REEP1: variants seen among roughly 807,000 people sequenced by gnomAD.
REEP1 encodes receptor expression-enhancing protein 1.
Under a neutral mutation model 40.3 loss-of-function variants are expected in REEP1, and 22 were observed. That is an observed-to-expected ratio of 0.55 (90% CI 0.39 to 0.78). The LOEUF (loss-of-function observed/expected upper bound fraction) is 0.78, where lower values mean the gene tolerates loss of function less well. REEP1 is among the 30% of genes least tolerant of loss of function. The pLI, the probability that REEP1 is intolerant of heterozygous loss-of-function variation, is 0.00. For synonymous variants in REEP1, 116 were observed against 139.2 expected, an observed-to-expected ratio of 0.83 and a Z score of 1.17; for missense variants, 280 against 361.1, an observed-to-expected ratio of 0.78 and a Z score of 1.82.
intron 1 of REEP1, among the ~76,000 whole-genome samples, chr2:86,324,833 C>T (rs1319218840): frequency 1.3e-5 from 2 of 152,130 alleles, no homozygotes; most frequent in Admixed American, 6.6e-5. Flanking sequence ...CTCACTGCAG[C>T]GCTCTTTCTG....
chr2:86,242,223 G>A (rs1370645545), intron 5 of REEP1, among the ~76,000 whole-genome samples: 7 of 152,314 alleles, frequency 4.6e-5, no homozygotes, highest in Non-Finnish European at 7.4e-5. Context: ...GTGAAGAAGC[G>A]AGGTTCACAG....
intron 2 of REEP1, among the ~76,000 whole-genome samples, chr2:86,270,447 G>GAGTGGT (rs1358170229): frequency 5.3e-5 from 8 of 152,224 alleles, no homozygotes; most frequent in African/African-American, 1.9e-4. Flanking sequence ...CCACCCACTT[G>GAGTGGT]GCCTTCCAAA....
intron 2 of REEP1, among the ~76,000 whole-genome samples, chr2:86,274,699 G>A (rs1209477133): frequency 6.6e-6 from 1 of 152,220 alleles, no homozygotes; most frequent in Non-Finnish European, 1.5e-5. Context: ...TCAGAATAGA[G>A]AGAGGGAGCT....
chr2:86,254,302 A>G (rs1676429146), intron 4 of REEP1, among the ~76,000 whole-genome samples: 1 of 152,206 alleles, frequency 6.6e-6, no homozygotes, highest in Non-Finnish European at 1.5e-5. Context: ...AGTAGCTGGA[A>G]TTACAGGCAT....
chr2:86,300,727 C>A (rs146538365), intron 1 of REEP1, among the ~76,000 whole-genome samples: 147 of 152,226 alleles, frequency 9.7e-4, no homozygotes, highest in African/African-American at 3.1e-3. Flanking sequence ...CATGCTAAGG[C>A]CAGTTGGTTT....
chr2:86,272,068 C>CA (rs1677485504), intron 2 of REEP1, among the ~76,000 whole-genome samples: 2 of 152,046 alleles, frequency 1.3e-5, no homozygotes, highest in Admixed American at 1.3e-4. Context: ...GCTAAAAATA[C>CA]AAAAAATAGC....
intron 3 of REEP1, among the ~76,000 whole-genome samples, chr2:86,259,050 G>A (rs543627679): frequency 3.9e-5 from 6 of 152,266 alleles, no homozygotes; most frequent in African/African-American, 9.6e-5. Flanking sequence ...GCTCATGCCT[G>A]TAATCCCAGC....
intron 1 of REEP1, among the ~76,000 whole-genome samples, chr2:86,327,568 CTT>C (rs34203842): frequency 1.7e-4 from 23 of 137,710 alleles, no homozygotes; most frequent in East Asian, 2.1e-4. Flanking sequence ...GTCTATCTTA[CTT>C]TTTTTTTTTT....
intron 2 of REEP1, among the ~76,000 whole-genome samples, chr2:86,281,627 C>CA (rs1678099732): frequency 6.6e-6 from 1 of 152,008 alleles, no homozygotes; most frequent in African/African-American, 2.4e-5. Flanking sequence ...GACTCCGGCT[C>CA]AAAAAACAAA....
intron 1 of REEP1, among the ~76,000 whole-genome samples, chr2:86,306,807 A>G (rs191002466): frequency 5.3e-5 from 8 of 152,192 alleles, no homozygotes; most frequent in Non-Finnish European, 8.8e-5. Flanking sequence ...TGGTAGGGGG[A>G]ATAAATCAGT....
At chr2:86,256,671 A>G (rs1454656260) in intron 3 of REEP1, among the ~76,000 whole-genome samples, 3 of 152,170 alleles carry the variant, frequency 2.0e-5, no homozygotes, top group East Asian at 1.9e-4. Context: ...GTGGCCCCCA[A>G]CATGGCTCTG....
At chr2:86,255,087 G>T in intron 3 of REEP1, 1 of 373,748 alleles carries the variant, frequency 2.7e-6, no homozygotes, top group Non-Finnish European at 5.0e-6. Context: ...TCACCCCCGT[G>T]GCCCTGCCTG....
At position 86,216,863 on chromosome 2, in the gene REEP1, A is replaced by G; in HGVS notation, c.*176T>C. On this transcript the variant is annotated 3_prime_UTR_variant, in exon 9 of 9. Coordinates refer to ENST00000538924, the MANE Select transcript of REEP1 (RefSeq NM_001371279.1). ...CTTTAGCCTCTCCCCAGCAAAATAA[A>G]GAAAAGGGGGAAAAAAATAAATCCT... The G allele has an allele frequency of 1.6e-6, 1 of 607,384 alleles. No homozygotes were observed. Among genetic ancestry groups the G allele is most frequent in the South Asian group, 2.0e-5 (1 of 49,326 alleles). 37.6% of individuals were successfully genotyped at this position (607,384 alleles called of 1,614,324 possible). A position where few individuals can be genotyped will look rare whatever the true frequency, so the allele number is the denominator to read the frequency against.
Position 86,247,578 on chromosome 2 carries a change from GTTT to G in REEP1, c.417+4376_417+4378del, listed in dbSNP as rs1409099492. 4.0e-5 allele frequency among the ~76,000 whole-genome samples: 6 copies of G among 151,622 alleles called. No homozygotes were observed. The East Asian group carries it at 5.9e-4, about 15-fold the overall frequency. On this transcript the variant is annotated intron_variant, in intron 5 of 8. Transcript: ENST00000538924. ...TCCTTTTGTTGTTGTTGTTGTTGTT[GTTT>G]TTTGTTTGTTTGTTTAGACAGAGTC...
At chr2:86,316,284 A>C (rs900342095) in intron 1 of REEP1, among the ~76,000 whole-genome samples, 2 of 152,150 alleles carry the variant, frequency 1.3e-5, no homozygotes, top group Non-Finnish European at 2.9e-5. Flanking sequence ...CACGCCTGTA[A>C]TCCTAGCACT....
At chr2:86,254,835 A>G in intron 3 of REEP1, 21 bp from the exon 4 acceptor site, 1 of 1,613,404 alleles carries the variant, frequency 6.2e-7, no homozygotes, top group Non-Finnish European at 8.5e-7. Flanking sequence ...AGATGAAAAC[A>G]CAAGTTCTGT....
At chr2:86,324,401 T>G (rs1324252248) in intron 1 of REEP1, among the ~76,000 whole-genome samples, 1 of 152,316 alleles carries the variant, frequency 6.6e-6, no homozygotes, top group Non-Finnish European at 1.5e-5. Flanking sequence ...ATGCTCAGTC[T>G]CATGAGTGTT....
chr2:86,269,873 A>G (rs1170200864), intron 2 of REEP1, among the ~76,000 whole-genome samples: 1 of 152,102 alleles, frequency 6.6e-6, no homozygotes, highest in African/African-American at 2.4e-5. Flanking sequence ...CAACAATAAG[A>G]AAACAAACAA....
At chr2:86,280,053 G>A in intron 2 of REEP1, 1 of 456,384 alleles carries the variant, frequency 2.2e-6, no homozygotes. Context: ...CGACAGGGAT[G>A]AAGGGACATG....
Sources: gnomAD v4.1 joint callset for allele counts (sites outside exome capture counted in the v4.1 genomes callset) on GRCh38, gnomAD v4.1.1 for gene constraint, MANE v1.5 for transcripts, NCBI Gene and HGNC (gene_info 2026-07-23, HGNC 2026-07-21) for gene names.